KCNQ5: variants seen among roughly 807,000 people sequenced by gnomAD.
KCNQ5 encodes potassium voltage-gated channel subfamily KQT member 5.
KCNQ5 carries 30 observed loss-of-function variants against 98.2 expected under a neutral mutation model. That is an observed-to-expected ratio of 0.31 (90% CI 0.23 to 0.41). The LOEUF is 0.41. Among genes scored for constraint, KCNQ5 ranks in the 10% least tolerant of loss-of-function variants. The pLI is 1.00. For missense variants in KCNQ5, 835 were observed against 1,182.5 expected (o/e 0.71, Z 4.31); for synonymous variants, 458 against 449.4 (o/e 1.02, Z -0.24).
At chr6:72,986,775 A>G in intron 1 of KCNQ5, 1 of 1,474,534 alleles carries the variant, frequency 6.8e-7, no homozygotes, top group Non-Finnish European at 9.5e-7. Flanking sequence ...CAGGGTGAAG[A>G]GGAAACCAGA....
chr6:72,697,637 T>C (rs971698407), intron 1 of KCNQ5, among the ~76,000 whole-genome samples: 4 of 152,178 alleles, frequency 2.6e-5, no homozygotes, highest in Admixed American at 1.3e-4. Flanking sequence ...TATTTGGTAA[T>C]GAAAGTCAAG....
At chr6:72,863,227 A>T (rs1777840737) in intron 1 of KCNQ5, among the ~76,000 whole-genome samples, 1 of 152,194 alleles carries the variant, frequency 6.6e-6, no homozygotes, top group South Asian at 2.1e-4. Context: ...TCCTGCCCAT[A>T]CTAAATAGCC....
At chr6:73,012,430 G>C (rs1308614070) in intron 2 of KCNQ5, among the ~76,000 whole-genome samples, 1 of 152,050 alleles carries the variant, frequency 6.6e-6, no homozygotes, top group East Asian at 1.9e-4. Context: ...AAAAAGTATA[G>C]AGACAAAGTG....
At chr6:72,656,374 A>G (rs1361316478) in intron 1 of KCNQ5, among the ~76,000 whole-genome samples, 1 of 152,178 alleles carries the variant, frequency 6.6e-6, no homozygotes. Context: ...CCTCAAATGC[A>G]TCTCTACCTA....
chr6:72,676,155 A>G (rs969809494), intron 1 of KCNQ5, among the ~76,000 whole-genome samples: 3 of 152,150 alleles, frequency 2.0e-5, no homozygotes, highest in Admixed American at 2.0e-4. Flanking sequence ...TGCACATCCT[A>G]TTTCGTACTT....
chr6:73,180,793 A>T (rs1045248202), intron 11 of KCNQ5, among the ~76,000 whole-genome samples: 2 of 152,206 alleles, frequency 1.3e-5, no homozygotes, highest in African/African-American at 4.8e-5. Context: ...AAGCTTGGGA[A>T]GTACTGCTGT....
intron 1 of KCNQ5, among the ~76,000 whole-genome samples, chr6:72,801,917 T>C (rs1390490510): frequency 2.0e-5 from 3 of 152,088 alleles, no homozygotes; most frequent in African/African-American, 4.8e-5. Context: ...AAATTCTGGG[T>C]TGGAAATTCT....
chr6:72,864,840 A>G (rs542105075), intron 1 of KCNQ5, among the ~76,000 whole-genome samples: 2 of 152,274 alleles, frequency 1.3e-5, no homozygotes, highest in South Asian at 4.2e-4. Flanking sequence ...ATAAAATTTT[A>G]GTTTTGATTG....
intron 1 of KCNQ5, among the ~76,000 whole-genome samples, chr6:72,737,512 A>G (rs1244290776): frequency 2.6e-5 from 4 of 151,988 alleles, no homozygotes; most frequent in African/African-American, 9.7e-5. Context: ...GTGCAGTTAG[A>G]AGCATTTCCT....
intron 1 of KCNQ5, among the ~76,000 whole-genome samples, chr6:72,705,127 A>G (rs1300222934): frequency 6.6e-6 from 1 of 152,122 alleles, no homozygotes; most frequent in Non-Finnish European, 1.5e-5. Flanking sequence ...AATCCCAAAC[A>G]CATCATTCCC....
At chr6:72,882,414 T>A (rs6909241) in intron 1 of KCNQ5, among the ~76,000 whole-genome samples, 41,345 of 151,996 alleles carry the variant, frequency 0.27, 5,840 homozygotes, top group Admixed American at 0.31. Context: ...GGAAATACTC[T>A]TTATAAAAGG....
intron 1 of KCNQ5, among the ~76,000 whole-genome samples, chr6:72,755,799 C>T (rs1771937684): frequency 6.6e-6 from 1 of 152,018 alleles, no homozygotes; most frequent in Non-Finnish European, 1.5e-5. Flanking sequence ...ATTTTCAGTG[C>T]TATTTATTTC....
chr6:72,747,566 A>T (rs953372934), intron 1 of KCNQ5, among the ~76,000 whole-genome samples: 1 of 152,144 alleles, frequency 6.6e-6, no homozygotes, highest in Non-Finnish European at 1.5e-5. Flanking sequence ...TTTCTTTCTC[A>T]GTCAGACAAT....
chr6:72,835,322 T>G (rs1293991288), intron 1 of KCNQ5, among the ~76,000 whole-genome samples: 1 of 152,180 alleles, frequency 6.6e-6, no homozygotes, highest in Non-Finnish European at 1.5e-5. Context: ...GCTGCAGATG[T>G]ACTCCAGAAT....
Position 73,146,626 on chromosome 6 carries a change from CAA to C in KCNQ5, c.1468+13011_1468+13012del, listed in dbSNP as rs58798764. ...TGGGCAACAGAACAAGTCCCTGTCTCAAAAAAAAAAAAAAAAAAAAAAAAAAA... is the reference window on the plus strand; with the variant it reads ...TGGGCAACAGAACAAGTCCCTGTCTCAAAAAAAAAAAAAAAAAAAAAAAAA... On this transcript the variant is annotated intron_variant, in intron 10 of 13. Transcript: ENST00000370398. Among the ~76,000 whole-genome samples the C allele has an allele frequency of 6.7e-3, 191 of 28,456 alleles. 1 individual carries two copies. The highest frequency in any genetic ancestry group is 0.016 in the African/African-American group (174 of 10,638). 18.7% of individuals were successfully genotyped at this position (28,456 alleles called of 152,430 possible). A position where few individuals can be genotyped will look rare whatever the true frequency, so the allele number is the denominator to read the frequency against.
chr6:72,927,968 CAT>C (rs1033010471), intron 1 of KCNQ5, among the ~76,000 whole-genome samples: 26 of 152,056 alleles, frequency 1.7e-4, no homozygotes, highest in Admixed American at 9.2e-4. Context: ...GGAAGAAAAA[CAT>C]GTGATCCTTG....
At chr6:72,695,136 C>T (rs1327153477) in intron 1 of KCNQ5, among the ~76,000 whole-genome samples, 6 of 152,120 alleles carry the variant, frequency 3.9e-5, no homozygotes, top group Non-Finnish European at 8.8e-5. Context: ...TAGGTCAATT[C>T]TATGTCTTTG....
chr6:72,758,532 T>G (rs956038720), intron 1 of KCNQ5, among the ~76,000 whole-genome samples: 2 of 152,090 alleles, frequency 1.3e-5, no homozygotes, highest in African/African-American at 4.8e-5. Flanking sequence ...AACTAAGAGC[T>G]TAGGTCAAAC....
At chr6:73,077,613 C>A in intron 4 of KCNQ5, 116 bp downstream of exon 4, 1 of 1,320,310 alleles carries the variant, frequency 7.6e-7, no homozygotes, top group Non-Finnish European at 1.0e-6. Flanking sequence ...ATGGTTAAAA[C>A]AATTTTGGGA....
Sources: gnomAD v4.1 joint callset for allele counts (sites outside exome capture counted in the v4.1 genomes callset) on GRCh38, gnomAD v4.1.1 for gene constraint, MANE v1.5 for transcripts, NCBI Gene and HGNC (gene_info 2026-07-23, HGNC 2026-07-21) for gene names.